SULT1B1: variants seen among roughly 807,000 people sequenced by gnomAD.
The protein encoded by SULT1B1 is sulfotransferase family 1B member 1, also known as sulfotransferase 1B1.
Under a neutral mutation model 34.6 loss-of-function variants are expected in SULT1B1, and 28 were observed. The ratio of observed to expected loss-of-function variants is 0.81; its 90% confidence interval spans 0.60 to 1.11. The LOEUF is 1.11. SULT1B1 is among the 50% of genes least tolerant of loss of function. The probability of loss-of-function intolerance (pLI) is 0.00; values close to 1 mark genes in which losing one functional copy is unlikely to be tolerated. For missense variants in SULT1B1, 374 were observed against 352.2 expected (o/e 1.06, Z -0.50); for synonymous variants, 147 against 110.2 (o/e 1.33, Z -2.09).
intron 4 of SULT1B1, among the ~76,000 whole-genome samples, chr4:69,741,660 C>T (rs758839548): frequency 4.6e-5 from 7 of 152,108 alleles, no homozygotes; most frequent in African/African-American, 1.2e-4. Flanking sequence ...AATGAGATTA[C>T]GTTTTGATTT....
At chr4:69,755,552 A>G (rs1719156754) in intron 1 of SULT1B1, among the ~76,000 whole-genome samples, 2 of 152,154 alleles carry the variant, frequency 1.3e-5, no homozygotes, top group Non-Finnish European at 1.5e-5. Flanking sequence ...AACAATCTGA[A>G]CAATCTGACT....
rs1717736088 is a variant in SULT1B1 at position 69,724,152 on chromosome 4, A to G, written c.*2936T>C. ...CATTGTCTCAGCCCAAAATCTCCTTAAGCTGATAAGCAACTTCAGCAAAGT... is the reference window on the plus strand; with the variant it reads ...CATTGTCTCAGCCCAAAATCTCCTTGAGCTGATAAGCAACTTCAGCAAAGT... On this transcript the variant is annotated 3_prime_UTR_variant, in exon 8 of 8. Coordinates refer to ENST00000310613, the MANE Select transcript of SULT1B1 (RefSeq NM_014465.4). The G allele has an allele frequency of 6.6e-6, 1 of 152,242 alleles. No homozygotes were observed. Among genetic ancestry groups the G allele is most frequent in the Non-Finnish European group, 1.5e-5 (1 of 68,040 alleles). The allele number at this position is 152,242 out of a possible 1,614,324, so 9.4% of individuals were successfully genotyped here.
At chr4:69,759,064 G>T (rs1252103952) in intron 1 of SULT1B1, among the ~76,000 whole-genome samples, 1 of 152,202 alleles carries the variant, frequency 6.6e-6, no homozygotes, top group Non-Finnish European at 1.5e-5. Flanking sequence ...GATACAGGGT[G>T]TAAGTAAATG....
chr4:69,725,125 G>A lies in SULT1B1; in HGVS notation c.*1963C>T, dbSNP rs1218552774. On this transcript the variant is annotated 3_prime_UTR_variant, in exon 8 of 8. Transcript: ENST00000310613. ...GAAAATTTTTGCAATCTACTCATCT[G>A]ACAAAGGGCTAATATCCAGAATCTA... 1 of 151,488 alleles carries A rather than the reference G, an allele frequency of 6.6e-6. No individual in the cohort carries two copies. 9.4% of individuals were successfully genotyped at this position (151,488 alleles called of 1,614,324 possible). A position where few individuals can be genotyped will look rare whatever the true frequency, so the allele number is the denominator to read the frequency against.
At chr4:69,754,645 A>G in intron 3 of SULT1B1, 25 bp downstream of exon 3, 5 of 1,606,754 alleles carry the variant, frequency 3.1e-6, no homozygotes, top group Non-Finnish European at 4.3e-6. Flanking sequence ...TTACAAAATA[A>G]TAATTCCAAG....
intron 4 of SULT1B1, among the ~76,000 whole-genome samples, chr4:69,738,999 C>T (rs1235465096): frequency 6.6e-6 from 1 of 152,206 alleles, no homozygotes; most frequent in Admixed American, 6.5e-5. Flanking sequence ...GGCTCACATC[C>T]AGATTAGGCT....
rs1353227817 is a variant in SULT1B1 at position 69,721,455 on chromosome 4, T to G, written c.*5633A>C. On this transcript the variant is annotated 3_prime_UTR_variant, in exon 8 of 8. Transcript: ENST00000310613. ...CCATATATCATTAATATCAAGCATT[T>G]TGAAGAAATTATAGTATCTTTTTTT... 6.6e-6 allele frequency: 1 copy of G among 152,120 alleles called. No individual in the cohort carries two copies. The highest frequency in any genetic ancestry group is 6.6e-5 in the Admixed American group (1 of 15,240). The allele number at this position is 152,120 out of a possible 1,614,324, so 9.4% of individuals were successfully genotyped here. A position where few individuals can be genotyped will look rare whatever the true frequency, so the allele number is the denominator to read the frequency against.
In SULT1B1 at chr4:69,722,357, T is replaced by A. The variant is rs546034968; in HGVS notation, c.*4731A>T. 1 of 152,228 alleles carries A rather than the reference T, an allele frequency of 6.6e-6. No individual in the cohort carries two copies. Among genetic ancestry groups the A allele is most frequent in the South Asian group, 2.1e-4 (1 of 4,824 alleles). The allele number at this position is 152,228 out of a possible 1,614,324, so 9.4% of individuals were successfully genotyped here. The stretch of plus-strand genomic sequence containing the variant: ...CAGATTAGAGGATAGTTTAGTGGTG[T>A]TTTTTCCCTCAGTAATAGACCATAG... On this transcript the variant is annotated 3_prime_UTR_variant, in exon 8 of 8. Coordinates refer to ENST00000310613, the MANE Select transcript of SULT1B1 (RefSeq NM_014465.4).
rs1450184801 is a variant in SULT1B1 at position 69,726,186 on chromosome 4, C to A, written c.*902G>T. ...CAAGAGGGCAGAGTGGAGATTCAGC[C>A]TAGAGAGTCTTCCTTGGGCACCAGA... On this transcript the variant is annotated 3_prime_UTR_variant, in exon 8 of 8. Transcript: ENST00000310613. 6.7e-6 allele frequency: 1 copy of A among 149,564 alleles called. No homozygotes were observed. The highest frequency in any genetic ancestry group is 6.7e-5 in the Admixed American group (1 of 14,894). 9.3% of individuals were successfully genotyped at this position (149,564 alleles called of 1,614,324 possible).
At chr4:69,749,380 T>C (rs1482331439) in intron 4 of SULT1B1, among the ~76,000 whole-genome samples, 1 of 152,034 alleles carries the variant, frequency 6.6e-6, no homozygotes. Flanking sequence ...CAGGAACAAA[T>C]GTTACAACAA....
At chr4:69,754,102 C>T (rs77612550) in intron 3 of SULT1B1, among the ~76,000 whole-genome samples, 2,131 of 152,168 alleles carry the variant, frequency 0.014, 17 homozygotes, top group Non-Finnish European at 0.021. Flanking sequence ...TCCTATTGTT[C>T]GCTTCCACAG....
chr4:69,723,080 G>A lies in SULT1B1; in HGVS notation c.*4008C>T, dbSNP rs1044919298. On this transcript the variant is annotated 3_prime_UTR_variant, in exon 8 of 8. Transcript: ENST00000310613. ...CCCCTTCAAAAAATCAGTGAATTCA[G>A]GAGCTGGTTTTTCGAAAAGATCAAC... The A allele has an allele frequency of 6.6e-6, 1 of 151,984 alleles. No individual in the cohort carries two copies. The highest frequency in any genetic ancestry group is 2.4e-5 in the African/African-American group (1 of 41,368). The allele number at this position is 151,984 out of a possible 1,614,324, so 9.4% of individuals were successfully genotyped here. A position where few individuals can be genotyped will look rare whatever the true frequency, so the allele number is the denominator to read the frequency against.
intron 6 of SULT1B1, among the ~76,000 whole-genome samples, chr4:69,732,941 T>C (rs1718139080): frequency 1.3e-5 from 2 of 151,986 alleles, no homozygotes; most frequent in Admixed American, 1.3e-4. Context: ...ATAAGTTTAG[T>C]TTTGAGCATG....
chr4:69,726,985 T>C lies in SULT1B1; in HGVS notation c.*103A>G. On this transcript the variant is annotated 3_prime_UTR_variant, in exon 8 of 8. Coordinates refer to ENST00000310613, the MANE Select transcript of SULT1B1 (RefSeq NM_014465.4). ...TCAACATATTAAAAGCATATTATTC[T>C]CCTTTATAAATTCATTTGATTGCCC... 1.4e-6 allele frequency: 1 copy of C among 707,714 alleles called. No individual in the cohort carries two copies. Among genetic ancestry groups the C allele is most frequent in the South Asian group, 2.5e-5 (1 of 39,292 alleles). 43.8% of individuals were successfully genotyped at this position (707,714 alleles called of 1,614,324 possible). A position where few individuals can be genotyped will look rare whatever the true frequency, so the allele number is the denominator to read the frequency against.
intron 7 of SULT1B1, among the ~76,000 whole-genome samples, chr4:69,729,874 AT>A (rs1226284898): frequency 6.6e-6 from 1 of 152,126 alleles, no homozygotes; most frequent in Non-Finnish European, 1.5e-5. Flanking sequence ...TTATTAACAC[AT>A]TTTTGACATA....
chr4:69,727,198 T>C lies in SULT1B1; in HGVS notation c.781A>G (p.Thr261Ala). The change falls in exon 8 of 8, where the codon ACG (threonine) becomes GCG (alanine). Residue 261 changes from threonine to alanine, a missense_variant and splice_region_variant. By Grantham distance (58) the Thr-to-Ala change is moderately conservative. Coordinates refer to ENST00000310613, the MANE Select transcript of SULT1B1 (RefSeq NM_014465.4). ...AAGTAATTCTTCCAGTCACCAGCCG[T>C]CCCTAAAGGTAAATAAAAAAACATA... Reference protein sequence around the residue: ...HSKSPFMRKGTAGDWKNYFTV... With the variant: ...HSKSPFMRKGAAGDWKNYFTV... The C allele has an allele frequency of 6.2e-7, 1 of 1,602,506 alleles. No individual in the cohort carries two copies. The highest frequency in any genetic ancestry group is 8.5e-7 in the Non-Finnish European group (1 of 1,175,828).
At chr4:69,744,330 C>T (rs1481484741) in intron 4 of SULT1B1, among the ~76,000 whole-genome samples, 2 of 152,170 alleles carry the variant, frequency 1.3e-5, no homozygotes, top group Non-Finnish European at 2.9e-5. Flanking sequence ...ACAAAGGAAC[C>T]CGACACAGTG....
chr4:69,742,358 G>A (rs780221449), intron 4 of SULT1B1, among the ~76,000 whole-genome samples: 2 of 152,118 alleles, frequency 1.3e-5, no homozygotes, highest in African/African-American at 4.8e-5. Flanking sequence ...TCCAGGTTTT[G>A]GTATGAGAAT....
chr4:69,730,944 C>T (rs1208068323), intron 6 of SULT1B1, among the ~76,000 whole-genome samples: 8 of 151,964 alleles, frequency 5.3e-5, no homozygotes, highest in East Asian at 1.9e-4. Flanking sequence ...AATGAGTAAA[C>T]GAGCAGACAT....
Sources: allele counts gnomAD v4.1 joint callset (sites outside exome capture counted in the v4.1 genomes callset), GRCh38; gene constraint gnomAD v4.1.1; transcripts MANE v1.5; gene names NCBI Gene and HGNC (gene_info 2026-07-23, HGNC 2026-07-21).